Variants in GPCPD1 observed in about 807,000 individuals in gnomAD.
GPCPD1 encodes the protein glycerophosphocholine phosphodiesterase GPCPD1.
In GPCPD1, 29 loss-of-function variants were observed where a neutral mutation model predicts 89.2. That is an observed-to-expected ratio of 0.33 (90% CI 0.24 to 0.44). The LOEUF is 0.44. Ranked by LOEUF, GPCPD1 falls within the 20% of genes least tolerant of loss-of-function variation. The pLI is 1.00. For missense variants in GPCPD1, 594 were observed against 808.9 expected (o/e 0.73, Z 3.22); for synonymous variants, 258 against 266.3 (o/e 0.97, Z 0.30).
At chr20:5,555,828 A>T (rs757734370) in intron 19 of GPCPD1, among the ~76,000 whole-genome samples, 1 of 152,224 alleles carries the variant, frequency 6.6e-6, no homozygotes, top group Non-Finnish European at 1.5e-5. Context: ...CACTCCAGCC[A>T]GGGTATTAAG....
At position 5,567,473 on chromosome 20, in the gene GPCPD1, T is replaced by A; in HGVS notation, c.1227+10A>T. 1 of 1,558,946 alleles carries A rather than the reference T, an allele frequency of 6.4e-7. No homozygotes were observed. The highest frequency in any genetic ancestry group is 8.6e-7 in the Non-Finnish European group (1 of 1,162,238). ...AAGGGATAATTTACATTTCATGTTA[T>A]TATTACTACCTTTAACAACTGGAGT... On this transcript the variant is annotated intron_variant, in intron 13 of 19. Coordinates refer to ENST00000379019, the MANE Select transcript of GPCPD1 (RefSeq NM_019593.5).
intron 18 of GPCPD1, 84 bp from the exon 19 acceptor site, chr20:5,558,189 A>G: frequency 1.3e-6 from 1 of 749,442 alleles, no homozygotes; most frequent in Non-Finnish European, 2.2e-6. Context: ...AGTGCTCTCC[A>G]AAGTACAGCA....
At chr20:5,552,648 T>C (rs1243617198) in intron 19 of GPCPD1, among the ~76,000 whole-genome samples, 1 of 152,264 alleles carries the variant, frequency 6.6e-6, no homozygotes, top group Non-Finnish European at 1.5e-5. Flanking sequence ...TTCCAAATTA[T>C]TTAAAATTTT....
At position 5,567,486 on chromosome 20, in the gene GPCPD1, T is replaced by C. The variant is rs1449238472; in HGVS notation, c.1224A>G (p.Leu408=). ...KELTFDQLQL[L]KLTHVTALKS... The stretch of plus-strand genomic sequence containing the variant: ...CATTTCATGTTATTATTACTACCTT[T>C]AACAACTGGAGTTGGTCAAATGTTA... The change falls in exon 13 of 20, where the codon TTA becomes TTG. Residue 408 remains leucine (L), a synonymous_variant. Coordinates refer to ENST00000379019, the MANE Select transcript of GPCPD1 (RefSeq NM_019593.5). 3 of 1,568,680 alleles carry C rather than the reference T, an allele frequency of 1.9e-6. No individual in the cohort carries two copies. The highest frequency in any genetic ancestry group is 2.6e-6 in the Non-Finnish European group (3 of 1,165,312).
chr20:5,578,320 C>T (rs990463824), intron 8 of GPCPD1, 60 bp downstream of exon 8: 26 of 1,031,360 alleles, frequency 2.5e-5, no homozygotes, highest in Admixed American at 7.1e-5. Flanking sequence ...TCAAAACCAA[C>T]GTTAAAATAA....
intron 12 of GPCPD1, among the ~76,000 whole-genome samples, chr20:5,569,377 A>C (rs1986578853): frequency 6.6e-6 from 1 of 152,196 alleles, no homozygotes; most frequent in Non-Finnish European, 1.5e-5. Context: ...TAAGTCCCCG[A>C]GAAATCACTT....
chr20:5,604,449 AAAAAG>A lies in GPCPD1; in HGVS notation c.-28-14_-28-10del. 7.2e-7 allele frequency: 1 copy of A among 1,393,882 alleles called. No individual in the cohort carries two copies. The highest frequency in any genetic ancestry group is 1.0e-6 in the Non-Finnish European group (1 of 994,888). The allele number at this position is 1,393,882 out of a possible 1,614,324, so 86.3% of individuals were successfully genotyped here. Reference sequence around the variant, plus strand: ...TATTTTATGATGTCGTGCTAGGAAAAAAAAGAAAAGTAACTTATAGTATAAAAATA... The same window carrying A: ...TATTTTATGATGTCGTGCTAGGAAAAAAAAGTAACTTATAGTATAAAAATA... On this transcript the variant is annotated splice_polypyrimidine_tract_variant and intron_variant, in intron 1 of 19. Coordinates refer to ENST00000379019, the MANE Select transcript of GPCPD1 (RefSeq NM_019593.5).
At position 5,575,430 on chromosome 20, in the gene GPCPD1, G is replaced by A. The variant is rs994819316; in HGVS notation, c.984C>T (p.Asn328=). ...CAACTTACTGGGCAGTTGTTGTAGAGTTTCCTGCACCTCGATGGCCAACAT... is the reference window on the plus strand; with the variant it reads ...CAACTTACTGGGCAGTTGTTGTAGAATTTCCTGCACCTCGATGGCCAACAT... The part of the protein sequence containing the change: ...PLDVGHRGAG[N]STTTAQLAKV... Residue 328 remains asparagine, a synonymous_variant, in exon 10 of 20, where the codon AAC becomes AAT. Coordinates refer to ENST00000379019, the MANE Select transcript of GPCPD1 (RefSeq NM_019593.5). 8.7e-6 allele frequency: 14 copies of A among 1,609,344 alleles called. No homozygotes were observed. Among genetic ancestry groups the A allele is most frequent in the Non-Finnish European group, 1.2e-5 (14 of 1,176,754 alleles).
At chr20:5,591,264 G>T (rs1043717597) in intron 4 of GPCPD1, among the ~76,000 whole-genome samples, 6 of 152,128 alleles carry the variant, frequency 3.9e-5, no homozygotes, top group Non-Finnish European at 4.4e-5. Flanking sequence ...TGAGAAAAAC[G>T]ATTTCAGGAC....
At chr20:5,561,869 T>C (rs1424029924) in intron 15 of GPCPD1, among the ~76,000 whole-genome samples, 2 of 152,202 alleles carry the variant, frequency 1.3e-5, no homozygotes, top group Admixed American at 6.5e-5. Flanking sequence ...GGCAACATCA[T>C]GAATTCAAGA....
intron 19 of GPCPD1, among the ~76,000 whole-genome samples, chr20:5,553,849 T>C (rs188080325): frequency 6.6e-6 from 1 of 152,344 alleles, no homozygotes; most frequent in East Asian, 1.9e-4. Flanking sequence ...AAAAAGAAGC[T>C]GTCTCCATAA....
chr20:5,575,891 T>G lies in GPCPD1; in HGVS notation c.793A>C (p.Ser265Arg). The G allele has an allele frequency of 6.2e-7, 1 of 1,605,612 alleles. No individual in the cohort carries two copies. Among genetic ancestry groups the G allele is most frequent in the Admixed American group, 1.7e-5 (1 of 59,994 alleles). The change falls in exon 9 of 20, where the codon AGT (serine) becomes CGT (arginine). Residue 265 changes from serine (S) to arginine (R), a missense_variant. Ser to Arg is a moderately radical substitution (Grantham distance 110). Transcript: ENST00000379019. ...GTAAGAATTCCAGCACTCTTTCCAC[T>G]CTCAGCAATGGTGGATGATAAGAGA... ...ACLLSSTIAE[S>R]GKSAGILTLP...
At chr20:5,604,590 T>A (rs1980415355) in intron 1 of GPCPD1, 150 bp from the exon 2 acceptor site, 1 of 130,330 alleles carries the variant, frequency 7.7e-6, no homozygotes, top group South Asian at 1.7e-4. Context: ...TTTTTGTTTT[T>A]GTTTTAAAGT....
chr20:5,604,310 TAAGA>T, intron 2 of GPCPD1, 50 bp downstream of exon 2: 1 of 912,364 alleles, frequency 1.1e-6, no homozygotes. Context: ...GTAATCCAGA[TAAGA>T]AACATGCTAA....
chr20:5,587,054 A>C (rs1978974559), intron 4 of GPCPD1, among the ~76,000 whole-genome samples: 1 of 152,214 alleles, frequency 6.6e-6, no homozygotes. Context: ...TTGATAACAT[A>C]TGCGGTAGTG....
At chr20:5,558,155 A>G (rs1600719107) in intron 18 of GPCPD1, 50 bp from the exon 19 acceptor site, 1 of 1,135,634 alleles carries the variant, frequency 8.8e-7, no homozygotes, top group South Asian at 1.4e-5. Flanking sequence ...TTAACTGCAA[A>G]GCTAAATGCT....
intron 19 of GPCPD1, chr20:5,548,293 G>T (rs575207434): frequency 6.6e-6 from 1 of 152,650 alleles, no homozygotes; most frequent in Non-Finnish European, 1.5e-5. Flanking sequence ...GCTCAATAAC[G>T]TCAGACACGT....
At chr20:5,610,553 C>T (rs1600821974) in intron 1 of GPCPD1, among the ~76,000 whole-genome samples, 4 of 152,246 alleles carry the variant, frequency 2.6e-5, no homozygotes, top group Admixed American at 2.0e-4. Flanking sequence ...CACCCTGCTA[C>T]TCCTCAAATG....
intron 10 of GPCPD1, among the ~76,000 whole-genome samples, chr20:5,574,609 G>C (rs904597546): frequency 4.6e-5 from 7 of 152,056 alleles, no homozygotes; most frequent in Admixed American, 2.0e-4. Context: ...ATGGTACCAC[G>C]TGCCTGTGGT....
Sources: gnomAD v4.1 joint callset for allele counts (sites outside exome capture counted in the v4.1 genomes callset) on GRCh38, gnomAD v4.1.1 for gene constraint, MANE v1.5 for transcripts, NCBI Gene and HGNC (gene_info 2026-07-23, HGNC 2026-07-21) for gene names.